Variants in ZNF736 observed in about 807,000 individuals in gnomAD.
ZNF736 encodes zinc finger protein 736.
A neutral mutation model predicts 11.7 loss-of-function variants in ZNF736; 6 were observed. That is an observed-to-expected ratio of 0.51 (90% CI 0.28 to 1.01). The LOEUF (loss-of-function observed/expected upper bound fraction) is 1.01, where lower values mean the gene tolerates loss of function less well. ZNF736 is among the 50% of genes least tolerant of loss of function. ZNF736 has a pLI of 0.09. For synonymous variants in ZNF736, 139 were observed against 164.7 expected (o/e 0.84, Z 1.19); for missense variants, 444 against 496.0 (o/e 0.90, Z 1.00).
intron 1 of ZNF736, among the ~76,000 whole-genome samples, chr7:64,316,207 T>A (rs1297652900): frequency 6.6e-6 from 1 of 152,228 alleles, no homozygotes; most frequent in Non-Finnish European, 1.5e-5. Flanking sequence ...AGGCATTGGG[T>A]GGAGCCTCTC....
At chr7:64,322,819 T>G (rs1195306850) in intron 1 of ZNF736, among the ~76,000 whole-genome samples, 1 of 152,238 alleles carries the variant, frequency 6.6e-6, no homozygotes, top group Non-Finnish European at 1.5e-5. Context: ...TAAGAATATG[T>G]CAATTATTGG....
rs1001105682 is a variant in ZNF736 at position 64,354,579 on chromosome 7, C to T, written c.*5432C>T. 15 of 152,038 alleles carry T rather than the reference C, an allele frequency of 9.9e-5. No homozygotes were observed. Among genetic ancestry groups the T allele is most frequent in the African/African-American group, 3.6e-4 (15 of 41,400 alleles). The allele number at this position is 152,038 out of a possible 1,614,324, so 9.4% of individuals were successfully genotyped here. ...CTTTTTTTGTTGTTTGTCTGTTTGCCTGTTGCTCACCATAGACATAATTTT... is the reference window on the plus strand; with the variant it reads ...CTTTTTTTGTTGTTTGTCTGTTTGCTTGTTGCTCACCATAGACATAATTTT... On this transcript the variant is annotated 3_prime_UTR_variant, in exon 4 of 4. Coordinates refer to ENST00000423484, the MANE Select transcript of ZNF736 (RefSeq NM_001170905.3).
At chr7:64,332,868 G>A (rs762987897) in intron 1 of ZNF736, among the ~76,000 whole-genome samples, 37 of 151,984 alleles carry the variant, frequency 2.4e-4, no homozygotes, top group Admixed American at 2.2e-3. Flanking sequence ...CTTTTTGCCC[G>A]ACCCCGCAGG....
intron 1 of ZNF736, among the ~76,000 whole-genome samples, chr7:64,318,306 T>A (rs1788944605): frequency 6.6e-6 from 1 of 152,134 alleles, no homozygotes; most frequent in Admixed American, 6.5e-5. Flanking sequence ...TGAATAGCCA[T>A]CATTTAATGT....
rs1407930151 is a variant in ZNF736 at position 64,352,928 on chromosome 7, C to T, written c.*3781C>T. 10 of 152,276 alleles carry T rather than the reference C, an allele frequency of 6.6e-5. No homozygotes were observed. The highest frequency in any genetic ancestry group is 1.5e-4 in the Non-Finnish European group (10 of 68,138). The allele number at this position is 152,276 out of a possible 1,614,324, so 9.4% of individuals were successfully genotyped here. A position where few individuals can be genotyped will look rare whatever the true frequency, so the allele number is the denominator to read the frequency against. On this transcript the variant is annotated 3_prime_UTR_variant, in exon 4 of 4. Transcript: ENST00000423484. Reference sequence around the variant, plus strand: ...CACGTGAGGCATTGTTGAAGTGGGTCCTACAGACCATCACTATCAGCCCCC... The same window carrying T: ...CACGTGAGGCATTGTTGAAGTGGGTTCTACAGACCATCACTATCAGCCCCC...
chr7:64,329,392 A>G (rs1789127795), intron 1 of ZNF736, among the ~76,000 whole-genome samples: 1 of 152,120 alleles, frequency 6.6e-6, no homozygotes. Context: ...TGTCTTTCTT[A>G]GAAAGGCTTT....
chr7:64,330,294 C>G (rs1584269159), intron 1 of ZNF736, among the ~76,000 whole-genome samples: 1 of 152,070 alleles, frequency 6.6e-6, no homozygotes, highest in East Asian at 1.9e-4. Flanking sequence ...GTAGCTGAGA[C>G]TACAGGTGCC....
intron 1 of ZNF736, among the ~76,000 whole-genome samples, chr7:64,322,020 T>C (rs1168827824): frequency 6.9e-5 from 4 of 57,554 alleles, no homozygotes; most frequent in Non-Finnish European, 1.5e-4. Context: ...ATAAGCTGTA[T>C]GTTGTTGAAC....
intron 3 of ZNF736, among the ~76,000 whole-genome samples, chr7:64,340,803 G>T (rs1227677272): frequency 6.6e-6 from 1 of 152,028 alleles, no homozygotes; most frequent in Non-Finnish European, 1.5e-5. Flanking sequence ...CTTTATTGTT[G>T]TCTTATTTTT....
intron 3 of ZNF736, among the ~76,000 whole-genome samples, chr7:64,342,760 A>G (rs1319497180): frequency 6.6e-6 from 1 of 152,126 alleles, no homozygotes; most frequent in East Asian, 1.9e-4. Context: ...TAGGCACACC[A>G]TATATTATAA....
rs1291877123 is a variant in ZNF736, at chr7:64,351,363, A to G, written c.*2216A>G. The G allele has an allele frequency of 1.3e-5, 2 of 152,374 alleles. No homozygotes were observed. Among genetic ancestry groups the G allele is most frequent in the African/African-American group, 4.8e-5 (2 of 41,468 alleles). 9.4% of individuals were successfully genotyped at this position (152,374 alleles called of 1,614,324 possible). On this transcript the variant is annotated 3_prime_UTR_variant, in exon 4 of 4. Coordinates refer to ENST00000423484, the MANE Select transcript of ZNF736 (RefSeq NM_001170905.3). ...CAGCAAAGAAATATCAGGAGTTGCC[A>G]TGGTGTCACGGGAAGCTGCAGTATG... is the stretch of plus-strand genomic sequence containing the variant.
rs1789439093 is a variant in ZNF736, at chr7:64,348,352, T to G, written c.489T>G (p.His163Gln). 2.6e-6 allele frequency: 4 copies of G among 1,551,460 alleles called. No homozygotes were observed. Among genetic ancestry groups the G allele is most frequent in the East Asian group, 2.4e-5 (1 of 40,904 alleles). Residue 163 changes from histidine (H) to glutamine (Q), a missense_variant, in exon 4 of 4, where the codon CAT becomes CAG. By Grantham distance (24) the His-to-Gln change is conservative. Transcript: ENST00000423484. ...AGTTGTGCTCAATCTTCACTGAACA[T>G]AAAGACATTTTTAGCAGAGAGAAAT... ...GFQLCSIFTE[H>Q]KDIFSREKCH... is the part of the protein sequence containing the mutation.
chr7:64,337,756 G>GTTTTTTTTTTTTTTTTTTTTTTTT (rs569147961), intron 3 of ZNF736, among the ~76,000 whole-genome samples: 1 of 112,506 alleles, frequency 8.9e-6, no homozygotes. Flanking sequence ...GTTTTTTTTG[G>GTTTTTTTTTTTTTTTTTTTTTTTT]TTTTTTTTTT....
rs1789467513 is a variant in ZNF736 at position 64,350,219 on chromosome 7, A to C, written c.*1072A>C. ...TGCATCATAGATTTGGTTTCTTTAC[A>C]TAATCCCATATTTCTTAGAGGTTTT... On this transcript the variant is annotated 3_prime_UTR_variant, in exon 4 of 4. Transcript: ENST00000423484. 1 of 152,288 alleles carries C rather than the reference A, an allele frequency of 6.6e-6. No homozygotes were observed. Among genetic ancestry groups the C allele is most frequent in the South Asian group, 2.1e-4 (1 of 4,824 alleles). The allele number at this position is 152,288 out of a possible 1,614,324, so 9.4% of individuals were successfully genotyped here.
Position 64,356,223 on chromosome 7 carries a change from T to C in ZNF736, c.*7076T>C, listed in dbSNP as rs900476550. 6.6e-6 allele frequency: 1 copy of C among 152,240 alleles called. No homozygotes were observed. Among genetic ancestry groups the C allele is most frequent in the African/African-American group, 2.4e-5 (1 of 41,462 alleles). The allele number at this position is 152,240 out of a possible 1,614,324, so 9.4% of individuals were successfully genotyped here. A position where few individuals can be genotyped will look rare whatever the true frequency, so the allele number is the denominator to read the frequency against. On this transcript the variant is annotated 3_prime_UTR_variant, in exon 4 of 4. Transcript: ENST00000423484. ...GATAAAGAGCAAGTAAATGAATCTA[T>C]TTCAGTTTTTGTGGGTAATTTAGCC... is the stretch of plus-strand genomic sequence containing the variant.
At position 64,349,224 on chromosome 7, in the gene ZNF736, A is replaced by AC; in HGVS notation, c.*77_*78insC. 1.6e-6 allele frequency: 2 copies of AC among 1,225,816 alleles called. No individual in the cohort carries two copies. Among genetic ancestry groups the AC allele is most frequent in the Non-Finnish European group, 2.2e-6 (2 of 905,668 alleles). 75.9% of individuals were successfully genotyped at this position (1,225,816 alleles called of 1,614,324 possible). A position where few individuals can be genotyped will look rare whatever the true frequency, so the allele number is the denominator to read the frequency against. ...TTTAATACTGAACAAATGCAGTATA[A>AC]ATGTAATGACAGTGGAAGAACATTT... is the stretch of plus-strand genomic sequence containing the variant. On this transcript the variant is annotated 3_prime_UTR_variant, in exon 4 of 4. Coordinates refer to ENST00000423484, the MANE Select transcript of ZNF736 (RefSeq NM_001170905.3).
rs1331637506 is a variant in ZNF736 at position 64,353,193 on chromosome 7, A to C, written c.*4046A>C. 2.0e-5 allele frequency: 3 copies of C among 152,218 alleles called. No individual in the cohort carries two copies. Among genetic ancestry groups the C allele is most frequent in the Non-Finnish European group, 4.4e-5 (3 of 68,040 alleles). The allele number at this position is 152,218 out of a possible 1,614,324, so 9.4% of individuals were successfully genotyped here. On this transcript the variant is annotated 3_prime_UTR_variant, in exon 4 of 4. Transcript: ENST00000423484. ...GGTTGCAGAGATCTGTGGGAGAATC[A>C]TGGGTTTCTAGGGTCACACATGCAC...
At chr7:64,347,360 G>A (rs796708206) in intron 3 of ZNF736, among the ~76,000 whole-genome samples, 73 of 151,698 alleles carry the variant, frequency 4.8e-4, no homozygotes, top group African/African-American at 1.7e-3. Flanking sequence ...CAAGTAGCTG[G>A]GATTACAGGC....
At chr7:64,346,412 T>C (rs1189476129) in intron 3 of ZNF736, among the ~76,000 whole-genome samples, 1 of 139,062 alleles carries the variant, frequency 7.2e-6, no homozygotes, top group Non-Finnish European at 1.5e-5. Flanking sequence ...TATGTCATGA[T>C]ATAGTTAGAT....
Sources: gnomAD v4.1 joint callset for allele counts (sites outside exome capture counted in the v4.1 genomes callset) on GRCh38, gnomAD v4.1.1 for gene constraint, MANE v1.5 for transcripts, NCBI Gene and HGNC (gene_info 2026-07-23, HGNC 2026-07-21) for gene names.